The following ARHGAP8 variants were observed in gnomAD, a reference collection of about 807,000 sequenced individuals.
The protein encoded by ARHGAP8 is rho GTPase-activating protein 8.
ARHGAP8 carries 62 observed loss-of-function variants against 46.1 expected under a neutral mutation model. That is an observed-to-expected ratio of 1.34 (90% confidence interval 1.10 to 1.66). The LOEUF (loss-of-function observed/expected upper bound fraction) is 1.66, where lower values mean the gene tolerates loss of function less well. ARHGAP8 is among the 40% of genes most tolerant of loss of function. The pLI is 0.00. For synonymous variants in ARHGAP8, 375 were observed against 243.1 expected (o/e 1.54, Z -5.05); for missense variants, 923 against 568.4 (o/e 1.62, Z -6.34).
intron 7 of ARHGAP8, among the ~76,000 whole-genome samples, chr22:44,838,802 G>C (rs866589011): frequency 1.3e-5 from 2 of 152,346 alleles, no homozygotes; most frequent in South Asian, 2.1e-4. Context: ...TTGTTCATCT[G>C]TGACATGGAC....
intron 3 of ARHGAP8, among the ~76,000 whole-genome samples, chr22:44,805,959 A>G (rs1928893509): frequency 6.6e-6 from 1 of 152,208 alleles, no homozygotes; most frequent in African/African-American, 2.4e-5. Flanking sequence ...TGACACTCAG[A>G]GGATTTCAGT....
At position 44,862,526 on chromosome 22, in the gene ARHGAP8, A is replaced by T. The variant is rs1309516497; in HGVS notation, c.1233A>T (p.Thr411=). The change falls in exon 12 of 12, where the codon ACA becomes ACT. Residue 411 remains threonine, a synonymous_variant. Transcript: ENST00000356099. ...CTTTGCAGGAGGCTGTGCCACGGAC[A>T]CAAGCCACGGGCCTCACCAAGCCTA... ...AAPLQEAVPR[T]QATGLTKPTL... is the part of the protein sequence containing the mutation. 6.2e-7 allele frequency: 1 copy of T among 1,611,524 alleles called. No homozygotes were observed. The highest frequency in any genetic ancestry group is 8.5e-7 in the Non-Finnish European group (1 of 1,178,096).
intron 1 of ARHGAP8, among the ~76,000 whole-genome samples, chr22:44,780,877 C>G (rs1367983154): frequency 6.6e-6 from 1 of 152,082 alleles, no homozygotes; most frequent in Non-Finnish European, 1.5e-5. Flanking sequence ...TAGAGCTACC[C>G]TATAAGGTGC....
chr22:44,791,213 G>A (rs544753819), intron 2 of ARHGAP8, among the ~76,000 whole-genome samples: 1 of 152,192 alleles, frequency 6.6e-6, no homozygotes, highest in Non-Finnish European at 1.5e-5. Flanking sequence ...GCAGTCTACT[G>A]TGGTCCTTCC....
At chr22:44,814,418 A>G (rs1929584409) in intron 4 of ARHGAP8, among the ~76,000 whole-genome samples, 1 of 152,194 alleles carries the variant, frequency 6.6e-6, no homozygotes, top group African/African-American at 2.4e-5. Flanking sequence ...GTGAGCGCCT[A>G]TAAACAGGGC....
At chr22:44,855,532 AGTT>A (rs1444202772) in intron 10 of ARHGAP8, among the ~76,000 whole-genome samples, 4 of 152,190 alleles carry the variant, frequency 2.6e-5, no homozygotes, top group African/African-American at 9.7e-5. Flanking sequence ...TGAGGGTGAA[AGTT>A]GTTATCAGTA....
chr22:44,861,350 T>G (rs568105226), intron 11 of ARHGAP8, among the ~76,000 whole-genome samples: 7 of 152,152 alleles, frequency 4.6e-5, no homozygotes, highest in African/African-American at 9.7e-5. Flanking sequence ...ATGCACCTGG[T>G]GGGGTGTGGT....
chr22:44,836,092 C>T (rs760573736), intron 7 of ARHGAP8, among the ~76,000 whole-genome samples: 5 of 152,178 alleles, frequency 3.3e-5, no homozygotes, highest in Non-Finnish European at 5.9e-5. Flanking sequence ...TCTCATTCCC[C>T]ATCTGCCTGC....
At chr22:44,859,927 C>T in intron 11 of ARHGAP8, 93 bp downstream of exon 11, 1 of 1,439,200 alleles carries the variant, frequency 6.9e-7, no homozygotes, top group Non-Finnish European at 9.4e-7. Flanking sequence ...TGCCCTGGGT[C>T]TGGGGTCATG....
At chr22:44,837,151 C>T (rs1931342530) in intron 7 of ARHGAP8, among the ~76,000 whole-genome samples, 1 of 152,198 alleles carries the variant, frequency 6.6e-6, no homozygotes, top group Non-Finnish European at 1.5e-5. Context: ...TCCCAAAGTG[C>T]TGGGATTACA....
chr22:44,814,711 C>T lies in ARHGAP8; in HGVS notation c.339C>T (p.Pro113=), dbSNP rs1381804505. The part of the protein sequence containing the change: ...KNLKALYVVH[P]TSFIKVLWNI... ...TGAAGGCCCTCTACGTGGTGCACCC[C>T]ACCAGCTTCATCAAGGTCCTGTGGA... Residue 113 remains proline (P), a synonymous_variant, in exon 5 of 12, where the codon CCC becomes CCT. Transcript: ENST00000356099. The T allele has an allele frequency of 4.3e-6, 7 of 1,614,028 alleles. No individual in the cohort carries two copies. The highest frequency in any genetic ancestry group is 5.9e-6 in the Non-Finnish European group (7 of 1,179,956).
chr22:44,801,991 T>C (rs1928589556), intron 2 of ARHGAP8, 86 bp from the exon 3 acceptor site: 1 of 1,541,736 alleles, frequency 6.5e-7, no homozygotes, highest in Non-Finnish European at 8.9e-7. Flanking sequence ...CGGGCTGGAC[T>C]GGCCAAGGAG....
Position 44,845,199 on chromosome 22 carries a change from G to A in ARHGAP8, c.597-70G>A, listed in dbSNP as rs557347476. On this transcript the variant is annotated intron_variant, in intron 7 of 11. Transcript: ENST00000356099. ...TTTCACAGGGGTGTGGAGAGGACCA[G>A]CGCCTCTTCTCATTGTGATCACCCA... 15 of 1,590,394 alleles carry A rather than the reference G, an allele frequency of 9.4e-6. No homozygotes were observed. The African/African-American group carries it at 1.2e-4, about 13-fold the overall frequency.
intron 1 of ARHGAP8, among the ~76,000 whole-genome samples, chr22:44,777,959 G>A (rs914433832): frequency 2.6e-5 from 4 of 152,010 alleles, no homozygotes; most frequent in Admixed American, 1.3e-4. Flanking sequence ...GCCTCCCAAA[G>A]TGCTGGGATT....
chr22:44,821,415 C>T (rs185834179), intron 5 of ARHGAP8, among the ~76,000 whole-genome samples: 258 of 121,324 alleles, frequency 2.1e-3, no homozygotes, highest in South Asian at 5.5e-3. Flanking sequence ...GGTGACAGAG[C>T]GAGACTCCAT....
At chr22:44,848,360 GGT>G (rs2070011883) in intron 9 of ARHGAP8, among the ~76,000 whole-genome samples, 1 of 74,060 alleles carries the variant, frequency 1.4e-5, no homozygotes, top group African/African-American at 1.1e-4. Context: ...CAGGGAAGCT[GGT>G]TTTTTTTATC....
intron 10 of ARHGAP8, among the ~76,000 whole-genome samples, chr22:44,851,888 A>G (rs1205225917): frequency 2.0e-5 from 3 of 151,976 alleles, no homozygotes; most frequent in African/African-American, 7.3e-5. Context: ...CAAGCAAGAA[A>G]GAAAAGAAAT....
intron 1 of ARHGAP8, among the ~76,000 whole-genome samples, chr22:44,758,097 T>A (rs539728273): frequency 6.6e-6 from 1 of 152,224 alleles, no homozygotes; most frequent in South Asian, 2.1e-4. Context: ...CAGTTTCCTC[T>A]GGCTGCAGGG....
chr22:44,789,954 A>G (rs1320640718), intron 2 of ARHGAP8, among the ~76,000 whole-genome samples: 1 of 152,196 alleles, frequency 6.6e-6, no homozygotes, highest in Non-Finnish European at 1.5e-5. Context: ...CTCAGTCTGC[A>G]CAGAAAGTGC....
Sources: gnomAD v4.1 joint callset for allele counts (sites outside exome capture counted in the v4.1 genomes callset) on GRCh38, gnomAD v4.1.1 for gene constraint, MANE v1.5 for transcripts, NCBI Gene and HGNC (gene_info 2026-07-23, HGNC 2026-07-21) for gene names.